IL1RL2: variants seen among roughly 807,000 people sequenced by gnomAD.
IL1RL2 encodes the protein interleukin-1 receptor-like 2.
IL1RL2 carries 68 observed loss-of-function variants against 66.8 expected under a neutral mutation model. That is an observed-to-expected ratio of 1.02 (90% CI 0.84 to 1.25). The LOEUF is 1.25. IL1RL2 is among the 50% of genes most tolerant of loss of function. IL1RL2 has a pLI of 0.00. For missense variants in IL1RL2, 729 were observed against 709.3 expected, an observed-to-expected ratio of 1.03 and a Z score of -0.32; for synonymous variants, 305 against 264.6, an observed-to-expected ratio of 1.15 and a Z score of -1.48.
At chr2:102,228,804 G>A (rs977786423) in intron 9 of IL1RL2, among the ~76,000 whole-genome samples, 2 of 152,222 alleles carry the variant, frequency 1.3e-5, no homozygotes, top group African/African-American at 4.8e-5. Context: ...TCCACTGTGT[G>A]CCATTCACAA....
At chr2:102,212,281 A>C in intron 6 of IL1RL2, 107 bp downstream of exon 6, 1 of 781,812 alleles carries the variant, frequency 1.3e-6, no homozygotes, top group Non-Finnish European at 2.1e-6. Context: ...AATCCTATAC[A>C]CACCCAGTTT....
intron 11 of IL1RL2, among the ~76,000 whole-genome samples, chr2:102,236,944 G>A (rs560573499): frequency 8.5e-5 from 13 of 152,344 alleles, no homozygotes; most frequent in African/African-American, 2.4e-4. Flanking sequence ...TTTACCAACA[G>A]TGCTGGTCTC....
At chr2:102,204,722 T>C (rs1117797) in intron 5 of IL1RL2, among the ~76,000 whole-genome samples, 23,913 of 152,032 alleles carry the variant, frequency 0.16, 2,346 homozygotes, top group Admixed American at 0.29. Flanking sequence ...AATATCTTTT[T>C]TCATACCTTT....
intron 4 of IL1RL2, 112 bp downstream of exon 4, chr2:102,192,232 C>T (rs560198932): frequency 9.6e-5 from 63 of 658,762 alleles, no homozygotes; most frequent in Non-Finnish European, 1.5e-4. Context: ...AGTTGTGTGC[C>T]TAAGATAGAT....
rs768212262 is a variant in IL1RL2 at position 102,233,102 on chromosome 2, C to T, written c.1275C>T (p.Gly425=). The T allele has an allele frequency of 5.6e-6, 9 of 1,612,602 alleles. No homozygotes were observed. The highest frequency in any genetic ancestry group is 7.6e-6 in the Non-Finnish European group (9 of 1,178,940). ...RQCGYKLFIF[G]RDEFPGQAVA... is the part of the protein sequence containing the mutation. ...GTGGATATAAGTTGTTTATATTCGG[C>T]AGAGATGAATTCCCTGGACAAGGTG... The change falls in exon 10 of 12, where the codon GGC becomes GGT. Residue 425 remains glycine (G), a synonymous_variant. Coordinates refer to ENST00000264257, the MANE Select transcript of IL1RL2 (RefSeq NM_003854.4).
chr2:102,205,911 C>T (rs1688662273), intron 5 of IL1RL2, among the ~76,000 whole-genome samples: 1 of 152,044 alleles, frequency 6.6e-6, no homozygotes, highest in Non-Finnish European at 1.5e-5. Flanking sequence ...GTATGCAATG[C>T]TTCATTGTTT....
intron 9 of IL1RL2, among the ~76,000 whole-genome samples, chr2:102,229,882 C>T (rs1690965805): frequency 6.6e-6 from 1 of 152,214 alleles, no homozygotes; most frequent in Non-Finnish European, 1.5e-5. Context: ...TACCTATATC[C>T]TCAGACACCT....
At chr2:102,232,683 G>T (rs530282377) in intron 9 of IL1RL2, among the ~76,000 whole-genome samples, 2 of 152,132 alleles carry the variant, frequency 1.3e-5, no homozygotes, top group African/African-American at 4.8e-5. Context: ...CTCAAAAGAC[G>T]TGGGGTAGGG....
At chr2:102,231,735 T>C (rs1240199720) in intron 9 of IL1RL2, among the ~76,000 whole-genome samples, 3 of 152,234 alleles carry the variant, frequency 2.0e-5, no homozygotes, top group African/African-American at 4.8e-5. Flanking sequence ...GGGCTGCTTT[T>C]GAGGTTGCTC....
chr2:102,208,724 C>T (rs1029603617), intron 5 of IL1RL2, among the ~76,000 whole-genome samples: 2 of 152,204 alleles, frequency 1.3e-5, no homozygotes, highest in South Asian at 2.1e-4. Context: ...TCCAGTGACT[C>T]CCTGAATTCC....
chr2:102,207,052 C>T lies in IL1RL2; in HGVS notation c.650-5048C>T, dbSNP rs1688767153. Among the ~76,000 whole-genome samples, 2 of 152,198 alleles carry T rather than the reference C, an allele frequency of 1.3e-5. 1 individual carries two copies. Among genetic ancestry groups the T allele is most frequent in the South Asian group, 4.1e-4 (2 of 4,830 alleles). On this transcript the variant is annotated intron_variant, in intron 5 of 11. Transcript: ENST00000264257. ...CACAGCCGGCCACAAGGAGTACTGC[C>T]AGACTACCGCAGATTTTCCCTTAAG... is the stretch of plus-strand genomic sequence containing the variant.
intron 6 of IL1RL2, among the ~76,000 whole-genome samples, chr2:102,214,313 A>T (rs1049169054): frequency 4.5e-4 from 69 of 152,292 alleles, no homozygotes; most frequent in African/African-American, 1.4e-3. Flanking sequence ...TAAGTAAAAA[A>T]CTATAATCAC....
At chr2:102,207,528 A>T (rs1304035450) in intron 5 of IL1RL2, among the ~76,000 whole-genome samples, 1 of 152,022 alleles carries the variant, frequency 6.6e-6, no homozygotes. Context: ...ATGTCTGTAA[A>T]TGTTATCTGG....
intron 9 of IL1RL2, among the ~76,000 whole-genome samples, chr2:102,227,826 C>G (rs188310355): frequency 1.4e-4 from 22 of 152,278 alleles, no homozygotes; most frequent in Non-Finnish European, 5.9e-5. Context: ...CTCTCACTGA[C>G]TCTGTCAGTG....
At chr2:102,225,394 A>AG (rs1011708922) in intron 8 of IL1RL2, among the ~76,000 whole-genome samples, 1 of 152,216 alleles carries the variant, frequency 6.6e-6, no homozygotes, top group Non-Finnish European at 1.5e-5. Flanking sequence ...TGGCTTCCAG[A>AG]GGGGACAACT....
intron 8 of IL1RL2, among the ~76,000 whole-genome samples, chr2:102,222,789 A>G (rs564058207): frequency 1.3e-5 from 2 of 152,344 alleles, no homozygotes; most frequent in African/African-American, 2.4e-5. Flanking sequence ...CGCTTAGGCC[A>G]GAGACAGAGA....
rs965937844 is a variant in IL1RL2, at chr2:102,189,124, A to G, written c.107A>G (p.Gln36Arg). ...AAAAATGAGATACTTTCAGCAAGCC[A>G]GCCTTTTGCTTTTAATTGTACATTC... ...FMKNEILSAS[Q>R]PFAFNCTFPP... Residue 36 changes from glutamine (Q) to arginine (R), a missense_variant, in exon 3 of 12, where the codon CAG becomes CGG. Transcript: ENST00000264257. 2.2e-5 allele frequency: 35 copies of G among 1,614,034 alleles called. No individual in the cohort carries two copies. Among genetic ancestry groups the G allele is most frequent in the Non-Finnish European group, 2.8e-5 (33 of 1,180,018 alleles).
chr2:102,203,725 A>C (rs1173643862), intron 5 of IL1RL2, among the ~76,000 whole-genome samples: 1 of 152,120 alleles, frequency 6.6e-6, no homozygotes, highest in Non-Finnish European at 1.5e-5. Flanking sequence ...GTAGCCATTA[A>C]TAATCTTTTG....
chr2:102,226,104 A>G lies in IL1RL2; in HGVS notation c.1135+63A>G, dbSNP rs980877113. ...GGTATCCTCTTATACATATACAACG[A>G]TTTCAAATATACTTTGTCATATTTT... On this transcript the variant is annotated intron_variant, in intron 9 of 11. Transcript: ENST00000264257. 1.2e-5 allele frequency: 15 copies of G among 1,301,092 alleles called. No individual in the cohort carries two copies. The African/African-American group carries it at 2.3e-4, about 20-fold the overall frequency. The allele number at this position is 1,301,092 out of a possible 1,614,324, so 80.6% of individuals were successfully genotyped here. A position where few individuals can be genotyped will look rare whatever the true frequency, so the allele number is the denominator to read the frequency against.
Sources: allele counts gnomAD v4.1 joint callset (sites outside exome capture counted in the v4.1 genomes callset), GRCh38; gene constraint gnomAD v4.1.1; transcripts MANE v1.5; gene names NCBI Gene and HGNC (gene_info 2026-07-23, HGNC 2026-07-21).